Variants in BFSP1 observed in about 807,000 individuals in gnomAD.
The protein encoded by BFSP1 is filensin.
BFSP1 carries 38 observed loss-of-function variants against 43.9 expected under a neutral mutation model. The ratio of observed to expected loss-of-function variants is 0.87; its 90% CI spans 0.67 to 1.14. The LOEUF is 1.14. Among genes scored for constraint, BFSP1 ranks in the 50% most tolerant of loss-of-function variants. The probability of loss-of-function intolerance (pLI) is 0.00; values close to 1 mark genes in which losing one functional copy is unlikely to be tolerated. For missense variants in BFSP1, 850 were observed against 875.1 expected, an observed-to-expected ratio of 0.97 and a Z score of 0.36; for synonymous variants, 352 against 354.8, an observed-to-expected ratio of 0.99 and a Z score of 0.09.
At chr20:17,566,663 C>T (rs994749721) in intron 1 of BFSP1, among the ~76,000 whole-genome samples, 7 of 151,326 alleles carry the variant, frequency 4.6e-5, no homozygotes, top group South Asian at 2.1e-4. Context: ...TCTAGGACCT[C>T]TTTTTTTTTG....
intron 5 of BFSP1, among the ~76,000 whole-genome samples, chr20:17,502,904 C>A (rs1220880187): frequency 3.9e-5 from 6 of 152,178 alleles, no homozygotes; most frequent in Non-Finnish European, 5.9e-5. Context: ...CCCCTTTGAG[C>A]CCCAAATCTC....
intron 2 of BFSP1, among the ~76,000 whole-genome samples, chr20:17,522,126 C>T (rs749299879): frequency 6.6e-6 from 1 of 152,144 alleles, no homozygotes; most frequent in Non-Finnish European, 1.5e-5. Context: ...CACCTATAGC[C>T]GAGAACTCTC....
At chr20:17,550,841 T>C (rs1435744450) in intron 1 of BFSP1, among the ~76,000 whole-genome samples, 2 of 152,242 alleles carry the variant, frequency 1.3e-5, no homozygotes, top group African/African-American at 2.4e-5. Flanking sequence ...TTTTCTGTCA[T>C]AGTTTATCCT....
upstream of BFSP1, among the ~76,000 whole-genome samples, chr20:17,532,360 G>A (rs192562974): frequency 9.1e-4 from 130 of 142,556 alleles, 1 homozygote; most frequent in African/African-American, 3.4e-3. Flanking sequence ...AGCCGAGATC[G>A]CCCCACTGCA....
chr20:17,502,550 G>T (rs1014809202), intron 5 of BFSP1, among the ~76,000 whole-genome samples: 1 of 152,218 alleles, frequency 6.6e-6, no homozygotes, highest in Non-Finnish European at 1.5e-5. Flanking sequence ...TGAGATTTTA[G>T]TGCAGTCTAT....
chr20:17,510,027 T>A (rs955777610), intron 4 of BFSP1, among the ~76,000 whole-genome samples: 7 of 152,182 alleles, frequency 4.6e-5, no homozygotes, highest in African/African-American at 1.7e-4. Flanking sequence ...CCTTACAAAG[T>A]GGCTGCAGCA....
rs763606769 is a variant in BFSP1, at chr20:17,531,323, G to A, written c.7C>T (p.Arg3Trp). The A allele has an allele frequency of 6.9e-7, 1 of 1,446,862 alleles. No homozygotes were observed. The highest frequency in any genetic ancestry group is 1.4e-5 in the South Asian group (1 of 73,618). 89.6% of individuals were successfully genotyped at this position (1,446,862 alleles called of 1,614,324 possible). A position where few individuals can be genotyped will look rare whatever the true frequency, so the allele number is the denominator to read the frequency against. MY[R>W]RSYVFQTRKE... ...CGGGTCTGGAAGACGTAGCTGCGCC[G>A]GTACATGGCTGCTCTGGCGCGGGCG... is the stretch of plus-strand genomic sequence containing the variant. The change falls in exon 1 of 8, where the codon CGG becomes TGG. Residue 3 changes from arginine (R) to tryptophan (W), a missense_variant. Physicochemically the swap from Arg to Trp is moderately radical, Grantham distance 101. Coordinates refer to ENST00000377873, the MANE Select transcript of BFSP1 (RefSeq NM_001195.5).
upstream of BFSP1, among the ~76,000 whole-genome samples, chr20:17,561,502 GAA>G (rs561590149): frequency 1.6e-5 from 2 of 126,130 alleles, no homozygotes; most frequent in African/African-American, 2.9e-5. Context: ...CCGCCTCAAA[GAA>G]AAAAAAAAAA....
chr20:17,539,332 G>A (rs997618003), intron 1 of BFSP1, among the ~76,000 whole-genome samples: 3 of 151,578 alleles, frequency 2.0e-5, no homozygotes, highest in Non-Finnish European at 2.9e-5. Flanking sequence ...AGGTGGTCTC[G>A]AATTCCTGGC....
chr20:17,512,210 G>T, intron 3 of BFSP1, 142 bp from the exon 4 acceptor site: 3 of 627,858 alleles, frequency 4.8e-6, no homozygotes, highest in Non-Finnish European at 8.2e-6. Flanking sequence ...TCAGGAGGAA[G>T]AAGAGACTGA....
intron 5 of BFSP1, among the ~76,000 whole-genome samples, chr20:17,504,567 G>A (rs1031293490): frequency 1.3e-5 from 2 of 152,178 alleles, no homozygotes; most frequent in Admixed American, 6.5e-5. Flanking sequence ...GGCAGGACCG[G>A]TCCTGGGAAC....
intron 5 of BFSP1, among the ~76,000 whole-genome samples, chr20:17,506,594 G>C (rs2033944449): frequency 6.7e-6 from 1 of 150,098 alleles, no homozygotes; most frequent in Admixed American, 6.7e-5. Flanking sequence ...CTCAGTCTCA[G>C]CTCACTGCAG....
chr20:17,510,888 G>C (rs6080727), intron 4 of BFSP1, among the ~76,000 whole-genome samples: 46,835 of 152,124 alleles, frequency 0.31, 7,903 homozygotes, highest in African/African-American at 0.43. Context: ...AAACCCTGTA[G>C]TAGCCTACCA....
chr20:17,564,175 C>T (rs2035094444), intron 1 of BFSP1, among the ~76,000 whole-genome samples: 1 of 151,772 alleles, frequency 6.6e-6, no homozygotes. Context: ...TTTACATACA[C>T]AGACACACAC....
rs750693591 is a variant in BFSP1, at chr20:17,494,756, T to C, written c.1316A>G (p.Lys439Arg). ...EDVPDGGQIS[K>R]GFGKLYRKVK... ...CTTCCTGTATAGTTTCCCAAAGCCTTTGCTTATCTGCCCTCCATCTGGCAC... is the reference window on the plus strand; with the variant it reads ...CTTCCTGTATAGTTTCCCAAAGCCTCTGCTTATCTGCCCTCCATCTGGCAC... Residue 439 changes from lysine to arginine, a missense_variant, in exon 8 of 8, where the codon AAA becomes AGA. By Grantham distance (26) the Lys-to-Arg change is conservative. Transcript: ENST00000377873. The C allele has an allele frequency of 6.2e-5, 100 of 1,614,046 alleles. No homozygotes were observed. Among genetic ancestry groups the C allele is most frequent in the Middle Eastern group, 1.6e-4 (1 of 6,084 alleles).
chr20:17,542,489 C>T (rs144047221), intron 1 of BFSP1, among the ~76,000 whole-genome samples: 41 of 151,350 alleles, frequency 2.7e-4, no homozygotes, highest in African/African-American at 9.7e-4. Flanking sequence ...GTCTCTGCTA[C>T]TCAGGAGGCT....
upstream of BFSP1, among the ~76,000 whole-genome samples, chr20:17,532,131 G>C (rs2034556134): frequency 1.3e-5 from 2 of 152,308 alleles, no homozygotes; most frequent in South Asian, 4.1e-4. Context: ...CCACCCATGG[G>C]CCTGTAATAG....
chr20:17,545,855 C>T (rs538830719), intron 1 of BFSP1, among the ~76,000 whole-genome samples: 1 of 152,332 alleles, frequency 6.6e-6, no homozygotes, highest in South Asian at 2.1e-4. Flanking sequence ...TGCACATTGG[C>T]ACAGCTTAGT....
Position 17,493,915 on chromosome 20 carries a change from G to T in BFSP1, c.*159C>A. On this transcript the variant is annotated 3_prime_UTR_variant, in exon 8 of 8. Coordinates refer to ENST00000377873, the MANE Select transcript of BFSP1 (RefSeq NM_001195.5). ...ATTAGACAAAGGATGTGCAAGCAAA[G>T]AAAACATTTTAATGAAGGCTTCGTT... 1.4e-6 allele frequency: 1 copy of T among 693,990 alleles called. No homozygotes were observed. Among genetic ancestry groups the T allele is most frequent in the Non-Finnish European group, 2.4e-6 (1 of 425,448 alleles). 43.0% of individuals were successfully genotyped at this position (693,990 alleles called of 1,614,324 possible). A position where few individuals can be genotyped will look rare whatever the true frequency, so the allele number is the denominator to read the frequency against.
Sources: allele counts gnomAD v4.1 joint callset (sites outside exome capture counted in the v4.1 genomes callset), GRCh38; gene constraint gnomAD v4.1.1; transcripts MANE v1.5; gene names NCBI Gene and HGNC (gene_info 2026-07-23, HGNC 2026-07-21).